The following SASH1 variants were observed in gnomAD, a reference collection of about 807,000 sequenced individuals.
SASH1 encodes the protein SAM and SH3 domain containing 1, also known as SAM and SH3 domain-containing protein 1.
In SASH1, 44 loss-of-function variants were observed where a neutral mutation model predicts 125.2. That is an observed-to-expected ratio of 0.35 (90% CI 0.28 to 0.45). The LOEUF is 0.45. Ranked by LOEUF, SASH1 falls within the 20% of genes least tolerant of loss-of-function variation. The pLI is 1.00. For synonymous variants in SASH1, 639 were observed against 649.1 expected (o/e 0.98, Z 0.24); for missense variants, 1,426 against 1,614.5 (o/e 0.88, Z 2.00).
intron 1 of SASH1, among the ~76,000 whole-genome samples, chr6:148,320,061 A>G (rs1300689705): frequency 6.6e-6 from 1 of 152,210 alleles, no homozygotes; most frequent in Non-Finnish European, 1.5e-5. Flanking sequence ...TATGGTTATA[A>G]TTGTTCTATT....
At chr6:148,400,762 A>C (rs932470452) in intron 2 of SASH1, among the ~76,000 whole-genome samples, 3 of 152,070 alleles carry the variant, frequency 2.0e-5, no homozygotes, top group African/African-American at 7.2e-5. Flanking sequence ...GGGAAAAAGA[A>C]AGAGAATTAA....
intron 2 of SASH1, among the ~76,000 whole-genome samples, chr6:148,394,172 C>T (rs1046788473): frequency 3.3e-5 from 5 of 152,030 alleles, no homozygotes; most frequent in African/African-American, 9.7e-5. Context: ...GGATTACAGG[C>T]GTGAGTCACT....
the SASH1 span, among the ~76,000 whole-genome samples, chr6:148,255,894 G>A: frequency 7.9e-5 from 12 of 152,040 alleles, no homozygotes; most frequent in Non-Finnish European, 1.0e-4. Context: ...TACCCGCCTC[G>A]GCCTCCCAAA....
chr6:148,327,076 A>G (rs1376360018), intron 1 of SASH1, among the ~76,000 whole-genome samples: 1 of 152,060 alleles, frequency 6.6e-6, no homozygotes, highest in African/African-American at 2.4e-5. Flanking sequence ...GCTCCTCACC[A>G]ATATTGGCCA....
At chr6:148,230,217 C>A in the SASH1 span, among the ~76,000 whole-genome samples, 2 of 152,160 alleles carry the variant, frequency 1.3e-5, no homozygotes, top group African/African-American at 4.8e-5. Flanking sequence ...TGAGGCTCAT[C>A]CATTTTCTAT....
chr6:148,413,455 C>A (rs182380015), intron 2 of SASH1, among the ~76,000 whole-genome samples: 288 of 152,002 alleles, frequency 1.9e-3, no homozygotes, highest in Non-Finnish European at 9.3e-4. Flanking sequence ...TGGCTGTTAA[C>A]AGGGAGAAAG....
intron 8 of SASH1, 164 bp from the exon 9 acceptor site, chr6:148,514,160 G>GT: frequency 2.8e-6 from 4 of 1,414,358 alleles, no homozygotes; most frequent in Non-Finnish European, 3.7e-6. Flanking sequence ...TCTTAAGATG[G>GT]TATGTGGCAC....
chr6:148,438,252 CT>C (rs931312444), intron 2 of SASH1, among the ~76,000 whole-genome samples: 2 of 152,214 alleles, frequency 1.3e-5, no homozygotes, highest in Non-Finnish European at 2.9e-5. Flanking sequence ...GCTAATTATA[CT>C]TTTGCTTACC....
intron 1 of SASH1, among the ~76,000 whole-genome samples, chr6:148,355,214 G>A (rs990783053): frequency 1.3e-5 from 2 of 152,126 alleles, no homozygotes; most frequent in Non-Finnish European, 2.9e-5. Flanking sequence ...TCATTTTATT[G>A]TGAATTACAG....
intron 1 of SASH1, among the ~76,000 whole-genome samples, chr6:148,307,378 A>G (rs577347699): frequency 6.6e-6 from 1 of 151,968 alleles, no homozygotes; most frequent in Admixed American, 6.6e-5. Context: ...GGCCTCCCAA[A>G]GTGCTGGAAT....
At chr6:148,256,809 T>C in the SASH1 span, among the ~76,000 whole-genome samples, 1 of 152,308 alleles carries the variant, frequency 6.6e-6, no homozygotes, top group East Asian at 1.9e-4. Flanking sequence ...GGGTGAATTT[T>C]ACTGAATGTA....
At chr6:148,239,414 G>A in the SASH1 span, among the ~76,000 whole-genome samples, 2 of 152,292 alleles carry the variant, frequency 1.3e-5, no homozygotes, top group South Asian at 2.1e-4. Context: ...GTGCTCTCCC[G>A]TAACAGGGCG....
the SASH1 span, among the ~76,000 whole-genome samples, chr6:148,206,208 G>A: frequency 6.6e-6 from 1 of 151,752 alleles, no homozygotes; most frequent in Non-Finnish European, 1.5e-5. Context: ...CTAGAAACAT[G>A]CCAGCTGTCA....
At chr6:148,379,267 A>G (rs1014914352) in intron 1 of SASH1, among the ~76,000 whole-genome samples, 2 of 152,090 alleles carry the variant, frequency 1.3e-5, no homozygotes, top group African/African-American at 4.8e-5. Flanking sequence ...CTGACCTTTT[A>G]GTCACCCAGG....
chr6:148,221,258 T>C, the SASH1 span, among the ~76,000 whole-genome samples: 1 of 152,228 alleles, frequency 6.6e-6, no homozygotes, highest in Non-Finnish European at 1.5e-5. Flanking sequence ...ATAAATCAGC[T>C]GGAAATAAAA....
At chr6:148,262,639 T>C in the SASH1 span, among the ~76,000 whole-genome samples, 1 of 152,182 alleles carries the variant, frequency 6.6e-6, no homozygotes, top group Non-Finnish European at 1.5e-5. Flanking sequence ...ATCCCAGCAC[T>C]TTGGGAGGCC....
In SASH1 at chr6:148,548,842, G is replaced by A. The variant is rs1027692678; in HGVS notation, c.*284G>A. On this transcript the variant is annotated 3_prime_UTR_variant, in exon 20 of 20. Coordinates refer to ENST00000367467, the MANE Select transcript of SASH1 (RefSeq NM_015278.5). ...AAGAACCAAGATGCCAACTGGCTGCGAATGCTCTATCTCCAGTCTGTCTCT... is the reference window on the plus strand; with the variant it reads ...AAGAACCAAGATGCCAACTGGCTGCAAATGCTCTATCTCCAGTCTGTCTCT... 5 of 332,828 alleles carry A rather than the reference G, an allele frequency of 1.5e-5. 1 individual carries two copies. The highest frequency in any genetic ancestry group is 1.2e-4 in the South Asian group (2 of 16,690). The allele number at this position is 332,828 out of a possible 1,614,324, so 20.6% of individuals were successfully genotyped here.
intron 10 of SASH1, chr6:148,520,520 C>G (rs574738879): frequency 6.5e-6 from 1 of 152,824 alleles, no homozygotes; most frequent in Non-Finnish European, 1.5e-5. Flanking sequence ...CCACCATCAC[C>G]TTCAATTTCA....
chr6:148,257,034 A>G, the SASH1 span, among the ~76,000 whole-genome samples: 2 of 152,172 alleles, frequency 1.3e-5, no homozygotes, highest in Non-Finnish European at 2.9e-5. Flanking sequence ...TAAATTTTAC[A>G]CTTTAAATGA....
Sources: allele counts gnomAD v4.1 joint callset (sites outside exome capture counted in the v4.1 genomes callset), GRCh38; gene constraint gnomAD v4.1.1; transcripts MANE v1.5; gene names NCBI Gene and HGNC (gene_info 2026-07-23, HGNC 2026-07-21).